The following ADGB variants were observed in gnomAD, a reference collection of about 807,000 sequenced individuals.
The protein encoded by ADGB is calpain-7-like protein.
Under a neutral mutation model 210.5 loss-of-function variants are expected in ADGB, and 172 were observed. The ratio of observed to expected loss-of-function variants is 0.82; its 90% CI spans 0.72 to 0.93. The LOEUF (loss-of-function observed/expected upper bound fraction) is 0.93. Ranked by LOEUF, ADGB falls within the 40% of genes least tolerant of loss-of-function variation. ADGB has a pLI of 0.00. For missense variants in ADGB, 2,025 were observed against 1,964.8 expected, an observed-to-expected ratio of 1.03 and a Z score of -0.58; for synonymous variants, 658 against 662.7, an observed-to-expected ratio of 0.99 and a Z score of 0.11.
rs767706170 is a variant in ADGB, at chr6:146,740,470, A to G, written c.2900A>G (p.Lys967Arg). 2.0e-5 allele frequency: 31 copies of G among 1,542,244 alleles called. 1 individual carries two copies. In the South Asian group the frequency reaches 3.6e-4, roughly 18 times the overall value. ...TTTTATATTTCTAGACTAATGTTTAAAAGCAAGTGCAAGTCTTTGGAATCT... is the reference window on the plus strand; with the variant it reads ...TTTTATATTTCTAGACTAATGTTTAGAAGCAAGTGCAAGTCTTTGGAATCT... Reference protein sequence around the residue: ...YAVSLLRLMFKSKCKSLESYP... With the variant: ...YAVSLLRLMFRSKCKSLESYP... Residue 967 changes from lysine to arginine, a missense_variant, in exon 24 of 36, where the codon AAA (lysine) becomes AGA (arginine). Physicochemically the swap from Lys to Arg is conservative, Grantham distance 26. Transcript: ENST00000397944.
At chr6:146,684,493 G>A (rs1776195864) in intron 9 of ADGB, among the ~76,000 whole-genome samples, 1 of 152,042 alleles carries the variant, frequency 6.6e-6, no homozygotes, top group Admixed American at 6.6e-5. Flanking sequence ...GGCCATTCTG[G>A]TCAATGTGGG....
chr6:146,732,359 A>G (rs1211677943), intron 20 of ADGB, among the ~76,000 whole-genome samples: 9 of 152,110 alleles, frequency 5.9e-5, no homozygotes, highest in Non-Finnish European at 8.8e-5. Flanking sequence ...CAAGTAACTG[A>G]CTGGACTTCT....
chr6:146,630,664 T>A (rs1781051683), intron 1 of ADGB, among the ~76,000 whole-genome samples: 1 of 152,300 alleles, frequency 6.6e-6, no homozygotes, highest in Non-Finnish European at 1.5e-5. Flanking sequence ...TCTTAAAAAA[T>A]TGGAATCTTT....
intron 29 of ADGB, among the ~76,000 whole-genome samples, chr6:146,778,255 T>C (rs1183512843): frequency 1.3e-5 from 2 of 152,072 alleles, no homozygotes; most frequent in Non-Finnish European, 2.9e-5. Context: ...TTACCTCATA[T>C]TTGGGTTAGG....
At chr6:146,610,411 AC>A (rs1780689578) in intron 1 of ADGB, among the ~76,000 whole-genome samples, 1 of 152,130 alleles carries the variant, frequency 6.6e-6, no homozygotes, top group Non-Finnish European at 1.5e-5. Context: ...GTAAGAAGAC[AC>A]TTTGGCTTTT....
At chr6:146,804,154 T>C (rs1033045673) in intron 35 of ADGB, among the ~76,000 whole-genome samples, 4 of 152,176 alleles carry the variant, frequency 2.6e-5, no homozygotes, top group Non-Finnish European at 5.9e-5. Context: ...TGGAAGACTA[T>C]ACTTTATTGA....
intron 13 of ADGB, among the ~76,000 whole-genome samples, chr6:146,706,471 G>T (rs1299619808): frequency 1.3e-5 from 2 of 151,784 alleles, no homozygotes; most frequent in Non-Finnish European, 2.9e-5. Flanking sequence ...TGTTGGCCAG[G>T]ATGGTTTTGA....
chr6:146,626,656 T>A (rs768651758), intron 1 of ADGB, among the ~76,000 whole-genome samples: 32 of 151,982 alleles, frequency 2.1e-4, no homozygotes, highest in Non-Finnish European at 2.8e-4. Flanking sequence ...TTTTTTCCTC[T>A]GCATATAATG....
chr6:146,698,371 G>A (rs1289838355), intron 12 of ADGB, among the ~76,000 whole-genome samples: 1 of 152,182 alleles, frequency 6.6e-6, no homozygotes, highest in African/African-American at 2.4e-5. Flanking sequence ...AGGAATATAA[G>A]CTGATAAGAG....
chr6:146,715,230 A>C (rs982276545), intron 13 of ADGB, among the ~76,000 whole-genome samples, 152 bp from the exon 14 acceptor site: 2 of 152,212 alleles, frequency 1.3e-5, no homozygotes, highest in Non-Finnish European at 2.9e-5. Flanking sequence ...TTAAAGTTAA[A>C]AACAAATTTT....
intron 7 of ADGB, among the ~76,000 whole-genome samples, chr6:146,671,977 A>G (rs1364989861): frequency 1.3e-5 from 2 of 152,088 alleles, no homozygotes; most frequent in African/African-American, 2.4e-5. Context: ...AGGGCGAGTG[A>G]TCTCTGAGAT....
chr6:146,656,760 T>C lies in ADGB; in HGVS notation c.403-11T>C. On this transcript the variant is annotated splice_polypyrimidine_tract_variant and intron_variant, in intron 4 of 35. Transcript: ENST00000397944. ...AAATAACCAATTAACCCTAATGTTT[T>C]TTATCTCTAGCTGATGAGATGGATT... The C allele has an allele frequency of 6.7e-7, 1 of 1,502,716 alleles. No homozygotes were observed. Among genetic ancestry groups the C allele is most frequent in the Non-Finnish European group, 8.9e-7 (1 of 1,121,922 alleles). 93.1% of individuals were successfully genotyped at this position (1,502,716 alleles called of 1,614,324 possible).
rs943659377 is a variant in ADGB, at chr6:146,802,851, C to T, written c.4818+840C>T. 13 of 1,609,764 alleles carry T rather than the reference C, an allele frequency of 8.1e-6. No individual in the cohort carries two copies. In the African/African-American group the frequency reaches 1.6e-4, roughly 20 times the overall value. ...TCCTTAGCTATATTACCAGTATATCCTGGAACCAAAGTAAGATGGTTTTCC... is the reference window on the plus strand; with the variant it reads ...TCCTTAGCTATATTACCAGTATATCTTGGAACCAAAGTAAGATGGTTTTCC... On this transcript the variant is annotated intron_variant, in intron 35 of 35. Coordinates refer to ENST00000397944, the MANE Select transcript of ADGB (RefSeq NM_024694.4).
chr6:146,788,257 C>A, intron 32 of ADGB, 132 bp from the exon 33 acceptor site: 1 of 821,312 alleles, frequency 1.2e-6, no homozygotes, highest in Non-Finnish European at 1.9e-6. Flanking sequence ...TTTGCTAGTG[C>A]TCTGGTTAGA....
chr6:146,720,288 T>G (rs1173487359), intron 16 of ADGB, among the ~76,000 whole-genome samples: 1 of 152,124 alleles, frequency 6.6e-6, no homozygotes, highest in Non-Finnish European at 1.5e-5. Flanking sequence ...CTGTGACCTT[T>G]GGTAAATAGC....
At chr6:146,794,092 A>G (rs184666257) in intron 33 of ADGB, among the ~76,000 whole-genome samples, 86 of 152,242 alleles carry the variant, frequency 5.6e-4, no homozygotes, top group African/African-American at 2.0e-3. Context: ...CCCTGTGCTG[A>G]CAGATTTGAG....
chr6:146,723,975 C>G (rs940394483), intron 17 of ADGB, among the ~76,000 whole-genome samples: 2 of 152,050 alleles, frequency 1.3e-5, no homozygotes, highest in Admixed American at 6.5e-5. Context: ...AGGATTGTTA[C>G]AAGGAAGAAT....
At chr6:146,766,835 C>A (rs978034764) in intron 28 of ADGB, among the ~76,000 whole-genome samples, 11 of 152,050 alleles carry the variant, frequency 7.2e-5, no homozygotes, top group African/African-American at 2.7e-4. Context: ...TTGCAAATAA[C>A]ATAATAGATA....
intron 16 of ADGB, among the ~76,000 whole-genome samples, chr6:146,719,371 A>AT (rs1554239081): frequency 3.3e-5 from 5 of 152,094 alleles, no homozygotes; most frequent in African/African-American, 1.2e-4. Flanking sequence ...TAAGCACAGA[A>AT]TTTTTTTTCT....
Sources: allele counts gnomAD v4.1 joint callset (sites outside exome capture counted in the v4.1 genomes callset), GRCh38; gene constraint gnomAD v4.1.1; transcripts MANE v1.5; gene names NCBI Gene and HGNC (gene_info 2026-07-23, HGNC 2026-07-21).